The following NXPE2 variants were observed in gnomAD, a reference collection of about 807,000 sequenced individuals.
NXPE2 encodes the protein neurexophilin and PC-esterase domain family member 2.
A neutral mutation model predicts 34.4 loss-of-function variants in NXPE2; 34 were observed. The ratio of observed to expected loss-of-function variants is 0.99; its 90% CI spans 0.75 to 1.31. NXPE2 has a LOEUF of 1.31. Ranked by LOEUF, NXPE2 falls within the 40% of genes most tolerant of loss-of-function variation. The pLI is 0.00. For synonymous variants in NXPE2, 235 were observed against 231.3 expected (o/e 1.02, Z -0.15); for missense variants, 649 against 672.5 (o/e 0.97, Z 0.39).
chr11:114,560,519 G>C, the NXPE2 span, among the ~76,000 whole-genome samples: 1 of 151,916 alleles, frequency 6.6e-6, no homozygotes, highest in Non-Finnish European at 1.5e-5. Flanking sequence ...TGTCTTCCTC[G>C]GCCACCCAAA....
chr11:114,483,146 C>T, the NXPE2 span, among the ~76,000 whole-genome samples: 1 of 152,144 alleles, frequency 6.6e-6, no homozygotes, highest in African/African-American at 2.4e-5. Flanking sequence ...TAAGATTTTA[C>T]AATTTCAATA....
the NXPE2 span, among the ~76,000 whole-genome samples, chr11:114,805,359 G>A: frequency 3.9e-5 from 6 of 152,166 alleles, no homozygotes; most frequent in Admixed American, 6.5e-5. Flanking sequence ...TGGGTGCAGC[G>A]CACCATGCAC....
the NXPE2 span, among the ~76,000 whole-genome samples, chr11:114,608,516 C>T: frequency 2.0e-5 from 3 of 151,904 alleles, no homozygotes; most frequent in African/African-American, 7.3e-5. Flanking sequence ...AGTGTTGCCT[C>T]GTGGGTAAGC....
chr11:114,761,394 C>G, the NXPE2 span, among the ~76,000 whole-genome samples: 2,775 of 152,176 alleles, frequency 0.018, 45 homozygotes, highest in Non-Finnish European at 0.031. Flanking sequence ...GTCCACTGAG[C>G]CTGACATCCA....
chr11:114,786,871 C>G, the NXPE2 span, among the ~76,000 whole-genome samples: 1 of 152,176 alleles, frequency 6.6e-6, no homozygotes, highest in Non-Finnish European at 1.5e-5. Flanking sequence ...GTGGTGCACA[C>G]ATACAGCCTC....
chr11:114,676,435 G>A (rs1950858762), upstream of NXPE2, among the ~76,000 whole-genome samples: 1 of 151,810 alleles, frequency 6.6e-6, no homozygotes, highest in African/African-American at 2.4e-5. Context: ...AATCCAATTA[G>A]AAAATTGGAA....
At chr11:114,631,304 A>C in the NXPE2 span, among the ~76,000 whole-genome samples, 1 of 151,898 alleles carries the variant, frequency 6.6e-6, no homozygotes, top group Non-Finnish European at 1.5e-5. Flanking sequence ...CTGGATTAAG[A>C]AAATGTGGCA....
At chr11:114,475,017 G>A in the NXPE2 span, among the ~76,000 whole-genome samples, 116 of 152,208 alleles carry the variant, frequency 7.6e-4, no homozygotes, top group African/African-American at 2.7e-3. Flanking sequence ...ATAGTACACT[G>A]TAATTTATGA....
the NXPE2 span, among the ~76,000 whole-genome samples, chr11:114,783,042 G>A: frequency 2.0e-5 from 3 of 152,064 alleles, no homozygotes; most frequent in East Asian, 1.9e-4. Context: ...AAGATAGCAC[G>A]GGGCTAAAGC....
chr11:114,784,341 G>A, the NXPE2 span, among the ~76,000 whole-genome samples: 19 of 151,916 alleles, frequency 1.3e-4, no homozygotes, highest in African/African-American at 2.4e-5. Flanking sequence ...TCCTTTCCTG[G>A]TCATTATCTG....
chr11:114,722,897 C>T, the NXPE2 span, among the ~76,000 whole-genome samples: 3 of 152,114 alleles, frequency 2.0e-5, no homozygotes, highest in Non-Finnish European at 2.9e-5. Context: ...GACAGAAGCA[C>T]GTGCTAACTT....
At chr11:114,639,177 A>G in the NXPE2 span, among the ~76,000 whole-genome samples, 4 of 151,444 alleles carry the variant, frequency 2.6e-5, no homozygotes, top group African/African-American at 7.3e-5. Context: ...AATGGTGGGC[A>G]CCCCTCCCCC....
At chr11:114,515,845 C>A in the NXPE2 span, among the ~76,000 whole-genome samples, 1 of 98,618 alleles carries the variant, frequency 1.0e-5, no homozygotes, top group African/African-American at 6.4e-5. Flanking sequence ...ATTAGATTTG[C>A]AGGTACTGGT....
At chr11:114,470,328 C>T in the NXPE2 span, among the ~76,000 whole-genome samples, 2 of 152,100 alleles carry the variant, frequency 1.3e-5, no homozygotes, top group Non-Finnish European at 2.9e-5. Context: ...TGAGAGAATT[C>T]CAGTTACTCC....
chr11:114,541,628 A>G, the NXPE2 span, among the ~76,000 whole-genome samples: 2 of 152,318 alleles, frequency 1.3e-5, no homozygotes, highest in African/African-American at 4.8e-5. Context: ...CATTTGAAAA[A>G]TACATTGGTT....
chr11:114,651,168 G>T, the NXPE2 span, among the ~76,000 whole-genome samples: 1 of 152,120 alleles, frequency 6.6e-6, no homozygotes, highest in Non-Finnish European at 1.5e-5. Context: ...CTTACTTCAA[G>T]AATGAAGCCG....
the NXPE2 span, among the ~76,000 whole-genome samples, chr11:114,469,641 C>A: frequency 6.6e-4 from 100 of 151,682 alleles, no homozygotes; most frequent in Non-Finnish European, 1.3e-3. Flanking sequence ...ATGCACCCCC[C>A]CCACCACACC....
the NXPE2 span, among the ~76,000 whole-genome samples, chr11:114,630,428 T>C: frequency 6.6e-6 from 1 of 151,830 alleles, no homozygotes; most frequent in Non-Finnish European, 1.5e-5. Flanking sequence ...GGGGAAAGTA[T>C]TCCCTATTTA....
chr11:114,551,050 CACACAGGTGAGGGCTT>C, the NXPE2 span: 1 of 991,076 alleles, frequency 1.0e-6, no homozygotes, highest in East Asian at 2.6e-5. Flanking sequence ...TGAGGCACGT[CACACAGGTGAGGGCTT>C]ACTGTGTGAT....
Sources: allele counts gnomAD v4.1 joint callset (sites outside exome capture counted in the v4.1 genomes callset), GRCh38; gene constraint gnomAD v4.1.1; transcripts MANE v1.5; gene names NCBI Gene and HGNC (gene_info 2026-07-23, HGNC 2026-07-21).